ACE: variants seen among roughly 807,000 people sequenced by gnomAD.
ACE encodes the protein angiotensin I converting enzyme, also known as angiotensin-converting enzyme.
Under a neutral mutation model 162.3 loss-of-function variants are expected in ACE, and 122 were observed. The ratio of observed to expected loss-of-function variants is 0.75; its 90% CI spans 0.65 to 0.87. The LOEUF (loss-of-function observed/expected upper bound fraction) is 0.87. Ranked by LOEUF, ACE falls within the 40% of genes least tolerant of loss-of-function variation. The probability of loss-of-function intolerance (pLI) is 0.00; values close to 1 mark genes in which losing one functional copy is unlikely to be tolerated. For missense variants in ACE, 1,799 were observed against 1,735.1 expected, an observed-to-expected ratio of 1.04 and a Z score of -0.65; for synonymous variants, 796 against 720.6, an observed-to-expected ratio of 1.10 and a Z score of -1.68.
Position 63,484,234 on chromosome 17 carries a change from TG to T in ACE, c.1710-90del, listed in dbSNP as rs528612741. ...TATTGCCACAGTTTCTGCAGTCCAT[TG>T]GGGGGCGGAAGTGGCCAGGGGCATG... On this transcript the variant is annotated intron_variant, in intron 11 of 24. Transcript: ENST00000290866. The surrounding 1 kb of genome is among the most constrained non-coding windows in gnomAD (Gnocchi z 4.0). 6.7e-4 allele frequency: 943 copies of T among 1,401,220 alleles called. 16 individuals carry two copies. The South Asian group carries it at 6.9e-3, about 10-fold the overall frequency. The allele number at this position is 1,401,220 out of a possible 1,614,324, so 86.8% of individuals were successfully genotyped here.
intron 13 of ACE, chr17:63,485,772 CAA>C (rs781292581): frequency 7.2e-3 from 685 of 95,718 alleles, no homozygotes; most frequent in South Asian, 0.019. Context: ...GAGACTCCAT[CAA>C]AAAAAAAAAA....
At chr17:63,496,720 T>TA in intron 23 of ACE, 78 bp from the exon 24 acceptor site, 7 of 1,595,240 alleles carry the variant, frequency 4.4e-6, no homozygotes, top group South Asian at 1.1e-5. Flanking sequence ...TGGGAGTGGG[T>TA]ATGGAGAGTG....
intron 16 of ACE, 53 bp downstream of exon 16, chr17:63,488,844 AAG>A: frequency 6.2e-7 from 1 of 1,613,868 alleles, no homozygotes; most frequent in South Asian, 1.1e-5. Context: ...ATTTTCCTCA[AAG>A]AGGTGCTGTG....
At chr17:63,478,977 C>T (rs749045765) in intron 2 of ACE, 30 bp from the exon 3 acceptor site, 3 of 1,589,044 alleles carry the variant, frequency 1.9e-6, no homozygotes, top group Admixed American at 1.7e-5. Flanking sequence ...GGGCTGGTCA[C>T]TGGAGCATTC....
intron 8 of ACE, 101 bp from the exon 9 acceptor site, chr17:63,482,928 C>T: frequency 7.6e-7 from 1 of 1,312,182 alleles, no homozygotes; most frequent in Non-Finnish European, 1.1e-6. Flanking sequence ...TTCTCTGCAT[C>T]TCCCTGGCCT....
At chr17:63,486,416 A>G in intron 13 of ACE, 141 bp from the exon 14 acceptor site, 1 of 877,984 alleles carries the variant, frequency 1.1e-6, no homozygotes, top group South Asian at 1.4e-5. Flanking sequence ...GCTTGCAGAG[A>G]GTCTTATAGG....
intron 7 of ACE, 46 bp downstream of exon 7, chr17:63,481,784 G>T: frequency 6.2e-7 from 1 of 1,612,482 alleles, no homozygotes; most frequent in Non-Finnish European, 8.5e-7. Flanking sequence ...CGGTTCTGGG[G>T]CCCGGGGAAA....
chr17:63,486,374 G>C (rs1417324338), intron 13 of ACE, 183 bp from the exon 14 acceptor site: 1 of 676,122 alleles, frequency 1.5e-6, no homozygotes, highest in African/African-American at 1.8e-5. Context: ...CAGGGAGGGT[G>C]AGTACTGCAT....
chr17:63,478,977 C>G, intron 2 of ACE, 30 bp from the exon 3 acceptor site: 1 of 1,589,044 alleles, frequency 6.3e-7, no homozygotes, highest in Non-Finnish European at 8.6e-7. Context: ...GGGCTGGTCA[C>G]TGGAGCATTC....
rs371010069 is a variant in ACE at position 63,486,654 on chromosome 17, G to A, written c.2156G>A (p.Arg719Gln). ...CAGTTGCAGAACACCACTATCAAGCGGATCATAAAGAAGGTTCAGGACCTA... is the reference window on the plus strand; with the variant it reads ...CAGTTGCAGAACACCACTATCAAGCAGATCATAAAGAAGGTTCAGGACCTA... ...VNQLQNTTIK[R>Q]IIKKVQDLER... The change falls in exon 14 of 25, where the codon CGG becomes CAG. Residue 719 changes from arginine to glutamine, a missense_variant. Coordinates refer to ENST00000290866, the MANE Select transcript of ACE (RefSeq NM_000789.4). 30 of 1,614,106 alleles carry A rather than the reference G, an allele frequency of 1.9e-5. No homozygotes were observed. The highest frequency in any genetic ancestry group is 1.5e-4 in the Admixed American group (9 of 60,008).
chr17:63,484,918 G>T lies in ACE; in HGVS notation c.1922-318G>T. 1 of 1,594,908 alleles carries T rather than the reference G, an allele frequency of 6.3e-7. No homozygotes were observed. Among genetic ancestry groups the T allele is most frequent in the African/African-American group, 1.3e-5 (1 of 74,624 alleles). On this transcript the variant is annotated intron_variant, in intron 12 of 24. Coordinates refer to ENST00000290866, the MANE Select transcript of ACE (RefSeq NM_000789.4). This position sits in a 1 kb window ranked among gnomAD's most constrained non-coding sequence, Gnocchi z 4.0. ...GACTTCCCAGCCTCCTCTTCCTGCT[G>T]CTCTGCTACGGGCACCCTCTGCTGG...
intron 10 of ACE, 58 bp downstream of exon 10, chr17:63,483,616 C>A: frequency 7.6e-7 from 1 of 1,310,584 alleles, no homozygotes; most frequent in Non-Finnish European, 1.1e-6. Context: ...ATCCACTTCT[C>A]CTCCTGTGAT....
chr17:63,482,780 CTTCT>C, intron 8 of ACE, 91 bp downstream of exon 8: 1 of 1,388,086 alleles, frequency 7.2e-7, no homozygotes, highest in Non-Finnish European at 1.0e-6. Context: ...CAGCTCTGCC[CTTCT>C]TTCTGCCTCC....
At position 63,491,519 on chromosome 17, in the gene ACE, G is replaced by A; in HGVS notation, c.2912+138G>A. The stretch of plus-strand genomic sequence containing the variant: ...ACAGGGCCAGAGTTTGGGACTGAGT[G>A]TCTAGAGAGGTGTTGGCTTCTGGCA... On this transcript the variant is annotated intron_variant, in intron 19 of 24. Transcript: ENST00000290866. This position sits in a 1 kb window ranked among gnomAD's most constrained non-coding sequence, Gnocchi z 4.4. The A allele has an allele frequency of 2.6e-6, 3 of 1,136,370 alleles. No individual in the cohort carries two copies. The highest frequency in any genetic ancestry group is 3.9e-5 in the Admixed American group (2 of 51,406). The allele number at this position is 1,136,370 out of a possible 1,614,324, so 70.4% of individuals were successfully genotyped here. A position where few individuals can be genotyped will look rare whatever the true frequency, so the allele number is the denominator to read the frequency against.
At position 63,477,123 on chromosome 17, in the gene ACE, C is replaced by G; in HGVS notation, c.29C>G (p.Pro10Arg). 2 of 1,372,216 alleles carry G rather than the reference C, an allele frequency of 1.5e-6. No homozygotes were observed. Among genetic ancestry groups the G allele is most frequent in the South Asian group, 1.7e-5 (1 of 58,978 alleles). 85.0% of individuals were successfully genotyped at this position (1,372,216 alleles called of 1,614,324 possible). A position where few individuals can be genotyped will look rare whatever the true frequency, so the allele number is the denominator to read the frequency against. ...GGGGCCGCCTCGGGCCGCCGGGGGC[C>G]GGGGCTGCTGCTGCCGCTGCCGCTG... MGAASGRRG[P>R]GLLLPLPLLL... Residue 10 changes from proline (P) to arginine (R), a missense_variant, in exon 1 of 25, where the codon CCG becomes CGG. Physicochemically the swap from Pro to Arg is moderately radical, Grantham distance 103 (BLOSUM62 -2). Coordinates refer to ENST00000290866, the MANE Select transcript of ACE (RefSeq NM_000789.4).
rs931193142 is a variant in ACE, at chr17:63,484,032, G to T, written c.1709+61G>T. The T allele has an allele frequency of 9.0e-6, 14 of 1,554,304 alleles. No individual in the cohort carries two copies. The South Asian group carries it at 1.4e-4, about 16-fold the overall frequency. On this transcript the variant is annotated intron_variant, in intron 11 of 24. Coordinates refer to ENST00000290866, the MANE Select transcript of ACE (RefSeq NM_000789.4). This position sits in a 1 kb window ranked among gnomAD's most constrained non-coding sequence, Gnocchi z 4.0. ...AGAGGAGCGGCTGGCAAAGGGTGTG[G>T]CAGGAGGTGTCTGGCTGCTCTGATG... is the stretch of plus-strand genomic sequence containing the variant.
Position 63,483,567 on chromosome 17 carries a change from G to GCGGGGGCGCCCCCCCCCCCCCCCCCCC in ACE, c.1586+10_1586+11insGGGGGCGCCCCCCCCCCCCCCCCCCCC. ...GTGACACCATACATCAGGTATTAGC[G>GCGGGGGCGCCCCCCCCCCCCCCCCCCC]CCCCCACCCCACCCACCCCCAGTAC... On this transcript the variant is annotated intron_variant, in intron 10 of 24. Coordinates refer to ENST00000290866, the MANE Select transcript of ACE (RefSeq NM_000789.4). 1 of 1,589,578 alleles carries GCGGGGGCGCCCCCCCCCCCCCCCCCCC rather than the reference G, an allele frequency of 6.3e-7. No homozygotes were observed. Among genetic ancestry groups the GCGGGGGCGCCCCCCCCCCCCCCCCCCC allele is most frequent in the Non-Finnish European group, 8.6e-7 (1 of 1,165,684 alleles).
At position 63,483,139 on chromosome 17, in the gene ACE, C is replaced by G. The variant is rs202178737; in HGVS notation, c.1453C>G (p.Pro485Ala). ...GGGGGTCTTTAGTGGGCGTACCCCC[C>G]CTTCCCGCTACAACTTCGACTGGTG... ...RWGVFSGRTP[P>A]SRYNFDWWYL... Residue 485 changes from proline to alanine, a missense_variant, in exon 9 of 25, where the codon CCT (proline) becomes GCT (alanine). Pro to Ala is a conservative substitution (Grantham distance 27). Coordinates refer to ENST00000290866, the MANE Select transcript of ACE (RefSeq NM_000789.4). 4.4e-5 allele frequency: 71 copies of G among 1,614,096 alleles called. No homozygotes were observed. The highest frequency in any genetic ancestry group is 4.3e-4 in the African/African-American group (32 of 75,040).
In ACE at chr17:63,497,471, CTCCTCCTGCCCTGTCCCTG is replaced by C; in HGVS notation, c.*109_*127del. On this transcript the variant is annotated 3_prime_UTR_variant, in exon 25 of 25. Coordinates refer to ENST00000290866, the MANE Select transcript of ACE (RefSeq NM_000789.4). ...ACACCCCACACCCCAGCCCACCCTG[CTCCTCCTGCCCTGTCCCTG>C]TCCCCCTCCCCTCCCAGTCCTCCAG... 1 of 1,036,748 alleles carries C rather than the reference CTCCTCCTGCCCTGTCCCTG, an allele frequency of 9.6e-7. No homozygotes were observed. 64.2% of individuals were successfully genotyped at this position (1,036,748 alleles called of 1,614,324 possible).
Sources: gnomAD v4.1 joint callset for allele counts on GRCh38, gnomAD v4.1.1 for gene constraint, Gnocchi (gnomAD v3.1) non-coding constraint, MANE v1.5 for transcripts, NCBI Gene and HGNC (gene_info 2026-07-23, HGNC 2026-07-21) for gene names.